The following ACTN1 variants were observed in gnomAD, a reference collection of about 807,000 sequenced individuals.
The protein encoded by ACTN1 is actinin alpha 1.
A neutral mutation model predicts 119.6 loss-of-function variants in ACTN1; 30 were observed. The observed-to-expected ratio is 0.25, with a 90% confidence interval of 0.19 to 0.34. The LOEUF (loss-of-function observed/expected upper bound fraction) is 0.34. Ranked by LOEUF, ACTN1 falls within the 10% of genes least tolerant of loss-of-function variation. ACTN1 has a pLI of 1.00. For synonymous variants in ACTN1, 429 were observed against 472.6 expected (o/e 0.91, Z 1.20); for missense variants, 764 against 1,223.4 (o/e 0.62, Z 5.60).
intron 1 of ACTN1, among the ~76,000 whole-genome samples, chr14:68,950,114 T>A (rs1366731786): frequency 6.6e-6 from 1 of 152,056 alleles, no homozygotes; most frequent in Non-Finnish European, 1.5e-5. Context: ...GCCAACATAA[T>A]GAAACCCCGT....
chr14:68,919,168 TG>T (rs1179804411), intron 3 of ACTN1, among the ~76,000 whole-genome samples: 4 of 152,376 alleles, frequency 2.6e-5, no homozygotes, highest in Admixed American at 2.6e-4. Context: ...TCAAAAAATC[TG>T]GATTTCTGGC....
rs1566660516 is a variant in ACTN1 at position 68,941,574 on chromosome 14, GATA to G, written c.106-15905_106-15903del. On this transcript the variant is annotated intron_variant, in intron 1 of 21. Coordinates refer to ENST00000394419, the MANE Select transcript of ACTN1 (RefSeq NM_001130004.2). ...TCAGTTTCCTCATCTGTAAAACAGG[GATA>G]ATACCTTTCTCAACTGGTTTGGTAA... Among the ~76,000 whole-genome samples the G allele has an allele frequency of 4.6e-5, 7 of 152,276 alleles. No homozygotes were observed. The East Asian group carries it at 1.3e-3, about 29-fold the overall frequency.
intron 6 of ACTN1, among the ~76,000 whole-genome samples, chr14:68,908,654 G>C (rs2033815294): frequency 6.6e-6 from 1 of 152,154 alleles, no homozygotes. Flanking sequence ...GGAACCTGGA[G>C]AGTGTGGTCA....
At chr14:68,950,462 G>GTATA (rs764943291) in intron 1 of ACTN1, among the ~76,000 whole-genome samples, 2 of 125,912 alleles carry the variant, frequency 1.6e-5, no homozygotes, top group South Asian at 2.2e-4. Context: ...ATGCGTGTGT[G>GTATA]TATATATATA....
chr14:68,887,446 A>C (rs2032111435), intron 11 of ACTN1: 1 of 925,058 alleles, frequency 1.1e-6, no homozygotes, highest in South Asian at 1.5e-5. Flanking sequence ...GACTGACTCC[A>C]TATTGCCATT....
intron 8 of ACTN1, 59 bp from the exon 9 acceptor site, chr14:68,893,806 A>C: frequency 6.5e-7 from 1 of 1,540,992 alleles, no homozygotes; most frequent in Non-Finnish European, 8.9e-7. Flanking sequence ...GGCACCTGGT[A>C]CACACCTGTG....
At chr14:68,978,855 C>G (rs1034085396) in intron 1 of ACTN1, 97 bp downstream of exon 1, 56 of 808,564 alleles carry the variant, frequency 6.9e-5, no homozygotes, top group Non-Finnish European at 9.8e-5. Flanking sequence ...GCGCCCGGAA[C>G]CGGTTCAGAG....
intron 3 of ACTN1, among the ~76,000 whole-genome samples, chr14:68,917,504 C>T (rs1022398414): frequency 3.9e-5 from 6 of 152,196 alleles, no homozygotes; most frequent in Non-Finnish European, 1.5e-5. Flanking sequence ...CTGCAACGTT[C>T]CCCCGCTCCC....
Position 68,892,178 on chromosome 14 carries a change from G to A in ACTN1, c.961C>T (p.Arg321Cys), listed in dbSNP as rs771989409. 14 of 1,614,162 alleles carry A rather than the reference G, an allele frequency of 8.7e-6. No individual in the cohort carries two copies. Among genetic ancestry groups the A allele is most frequent in the Non-Finnish European group, 1.1e-5 (13 of 1,180,040 alleles). Residue 321 changes from arginine (R) to cysteine (C), a missense_variant, in exon 10 of 22, where the codon CGC (arginine) becomes TGC (cysteine). Physicochemically the swap from Arg to Cys is radical, Grantham distance 180. Coordinates refer to ENST00000394419, the MANE Select transcript of ACTN1 (RefSeq NM_001130004.2). The stretch of plus-strand genomic sequence containing the variant: ...TGCACCTTGGGCGGCTTGTGCAGGC[G>A]CCGGTAGTCCCGGAAGTCCTCCAGC... ...QKLEDFRDYR[R>C]LHKPPKVQEK...
chr14:68,888,903 G>A (rs80198253), intron 11 of ACTN1, among the ~76,000 whole-genome samples: 180 of 152,254 alleles, frequency 1.2e-3, no homozygotes, highest in African/African-American at 4.2e-3. Flanking sequence ...ACTGGTCCCC[G>A]GTACCAACAA....
At chr14:68,955,943 G>A (rs115885851) in intron 1 of ACTN1, among the ~76,000 whole-genome samples, 3,520 of 152,266 alleles carry the variant, frequency 0.023, 147 homozygotes, top group African/African-American at 0.08. Context: ...GTGAATTTAC[G>A]GTCTAAGCCA....
At chr14:68,905,982 CAAAA>C (rs755762604) in intron 6 of ACTN1, among the ~76,000 whole-genome samples, 1 of 96,080 alleles carries the variant, frequency 1.0e-5, no homozygotes, top group Non-Finnish European at 2.1e-5. Flanking sequence ...GACCTCGTCT[CAAAA>C]AAAAAAAAAA....
At chr14:68,954,849 T>C (rs2036299255) in intron 1 of ACTN1, among the ~76,000 whole-genome samples, 2 of 152,234 alleles carry the variant, frequency 1.3e-5, no homozygotes, top group Non-Finnish European at 2.9e-5. Flanking sequence ...CAGACTTTTT[T>C]TCTTTTTAAA....
chr14:68,917,966 T>C (rs1024315650), intron 3 of ACTN1, among the ~76,000 whole-genome samples: 2 of 152,180 alleles, frequency 1.3e-5, no homozygotes, highest in African/African-American at 4.8e-5. Flanking sequence ...CTTGGAAGGC[T>C]GAAGCAGATT....
Position 68,874,798 on chromosome 14 carries a change from C to G in ACTN1, c.*61G>C. 1 of 1,440,764 alleles carries G rather than the reference C, an allele frequency of 6.9e-7. No homozygotes were observed. Among genetic ancestry groups the G allele is most frequent in the Admixed American group, 2.4e-5 (1 of 41,534 alleles). The allele number at this position is 1,440,764 out of a possible 1,614,324, so 89.2% of individuals were successfully genotyped here. A position where few individuals can be genotyped will look rare whatever the true frequency, so the allele number is the denominator to read the frequency against. On this transcript the variant is annotated 3_prime_UTR_variant, in exon 22 of 22. Transcript: ENST00000394419. Reference sequence around the variant, plus strand: ...AAACCGAACCCAGGCAGGAGATGGGCGACGGCGGAGGTGCAAGGCAGGGCA... The same window carrying G: ...AAACCGAACCCAGGCAGGAGATGGGGGACGGCGGAGGTGCAAGGCAGGGCA...
chr14:68,884,105 CCA>C, intron 14 of ACTN1, 61 bp downstream of exon 14: 1 of 1,521,130 alleles, frequency 6.6e-7, no homozygotes, highest in Non-Finnish European at 8.9e-7. Context: ...CAAAAGTGAC[CCA>C]CAGAGCATGG....
chr14:68,884,946 T>A, intron 12 of ACTN1, 63 bp from the exon 13 acceptor site: 1 of 1,373,590 alleles, frequency 7.3e-7, no homozygotes, highest in Non-Finnish European at 1.0e-6. Context: ...CATCTCCCTC[T>A]CTCTGAGGCT....
chr14:68,890,134 C>T lies in ACTN1; in HGVS notation c.1234+5G>A. Reference sequence around the variant, plus strand: ...GGGGGAGGCAGGAGGCTGGGCTGGCCTCACCGTCAGTCCAGGCCTCGTGGA... The same window carrying T: ...GGGGGAGGCAGGAGGCTGGGCTGGCTTCACCGTCAGTCCAGGCCTCGTGGA... On this transcript the variant is annotated splice_donor_5th_base_variant and intron_variant, in intron 11 of 21. Transcript: ENST00000394419. The T allele has an allele frequency of 6.2e-7, 1 of 1,610,560 alleles. No individual in the cohort carries two copies. Among genetic ancestry groups the T allele is most frequent in the Non-Finnish European group, 8.5e-7 (1 of 1,178,616 alleles).
intron 1 of ACTN1, among the ~76,000 whole-genome samples, chr14:68,941,223 A>G (rs1019340458): frequency 6.6e-6 from 1 of 152,232 alleles, no homozygotes; most frequent in South Asian, 2.1e-4. Context: ...AAAAATAGAA[A>G]AAAGAACAGC....
Sources: allele counts gnomAD v4.1 joint callset (sites outside exome capture counted in the v4.1 genomes callset), GRCh38; gene constraint gnomAD v4.1.1; transcripts MANE v1.5; gene names NCBI Gene and HGNC (gene_info 2026-07-23, HGNC 2026-07-21).